Variants in PPFIBP2 observed in about 807,000 individuals in gnomAD.
The protein encoded by PPFIBP2 is liprin-beta-2.
Under a neutral mutation model 118.3 loss-of-function variants are expected in PPFIBP2, and 118 were observed. The ratio of observed to expected loss-of-function variants is 1.00; its 90% confidence interval spans 0.86 to 1.16. The LOEUF is 1.16. Among genes scored for constraint, PPFIBP2 ranks in the 50% most tolerant of loss-of-function variants. The pLI, the probability that PPFIBP2 is intolerant of heterozygous loss-of-function variation, is 0.00. For synonymous variants in PPFIBP2, 414 were observed against 397.4 expected, an observed-to-expected ratio of 1.04 and a Z score of -0.50; for missense variants, 1,195 against 1,073.1, an observed-to-expected ratio of 1.11 and a Z score of -1.59.
rs572861431 is a variant in PPFIBP2 at position 7,625,785 on chromosome 11, C to T, written c.720C>T (p.Val240=). Residue 240 remains valine (V), a synonymous_variant, in exon 8 of 24, where the codon GTC becomes GTT. Coordinates refer to ENST00000299492, the MANE Select transcript of PPFIBP2 (RefSeq NM_003621.5). ...CTCTGTTGCTCTTCCAGGCTGAAGT[C>T]GCCCAGCTGCAAGAACAGGTGGCCC... The part of the protein sequence containing the change: ...EWKLKATKAE[V]AQLQEQVALK... 19 of 1,614,076 alleles carry T rather than the reference C, an allele frequency of 1.2e-5. No homozygotes were observed. Among genetic ancestry groups the T allele is most frequent in the East Asian group, 4.5e-5 (2 of 44,876 alleles).
intron 1 of PPFIBP2, among the ~76,000 whole-genome samples, chr11:7,545,650 C>T (rs560431925): frequency 6.6e-6 from 1 of 151,776 alleles, no homozygotes; most frequent in South Asian, 2.1e-4. Context: ...CACTGGGGCT[C>T]TTGGAGCGTG....
chr11:7,571,020 G>T (rs7110031), intron 3 of PPFIBP2, among the ~76,000 whole-genome samples: 75,795 of 151,942 alleles, frequency 0.5, 20,274 homozygotes, highest in African/African-American at 0.7. Flanking sequence ...TCAGTTTACT[G>T]CTGCCCTTAT....
At chr11:7,609,296 C>T (rs945827801) in intron 5 of PPFIBP2, among the ~76,000 whole-genome samples, 2 of 152,146 alleles carry the variant, frequency 1.3e-5, no homozygotes, top group African/African-American at 4.8e-5. Context: ...GGCAGGATAT[C>T]GTATATTTTC....
chr11:7,616,719 A>T lies in PPFIBP2; in HGVS notation c.619-4216A>T, dbSNP rs1030867157. ...GTGCTGACACGTTGGGTGTTTGGGT[A>T]AGGGGAGTCGGTGTGTGTATCATGC... On this transcript the variant is annotated intron_variant, in intron 6 of 23. Coordinates refer to ENST00000299492, the MANE Select transcript of PPFIBP2 (RefSeq NM_003621.5). The surrounding 1 kb of genome is among the most constrained non-coding windows in gnomAD (Gnocchi z 5.2). Among the ~76,000 whole-genome samples, 1 of 152,024 alleles carries T rather than the reference A, an allele frequency of 6.6e-6. No individual in the cohort carries two copies. The highest frequency in any genetic ancestry group is 1.5e-5 in the Non-Finnish European group (1 of 68,014).
intron 3 of PPFIBP2, among the ~76,000 whole-genome samples, chr11:7,578,807 G>A (rs1856826661): frequency 6.6e-6 from 1 of 152,132 alleles, no homozygotes; most frequent in African/African-American, 2.4e-5. Flanking sequence ...ATGGGGTGAA[G>A]AACATTCCAG....
intron 1 of PPFIBP2, among the ~76,000 whole-genome samples, chr11:7,518,207 G>A (rs897911917): frequency 1.3e-5 from 2 of 152,240 alleles, no homozygotes; most frequent in African/African-American, 2.4e-5. Context: ...GAGGGCCGTC[G>A]TCAAGCTTCT....
chr11:7,642,818 A>G (rs1169148554), intron 17 of PPFIBP2, among the ~76,000 whole-genome samples: 1 of 152,212 alleles, frequency 6.6e-6, no homozygotes. Context: ...CTAGATTCCA[A>G]TTAAGGAAGA....
At chr11:7,552,218 A>G (rs1308511048) in intron 2 of PPFIBP2, among the ~76,000 whole-genome samples, 1 of 152,246 alleles carries the variant, frequency 6.6e-6, no homozygotes, top group African/African-American at 2.4e-5. Context: ...TCCTCATATT[A>G]GAAATGAGAA....
At chr11:7,666,798 G>A in the PPFIBP2 span, 1 of 359,132 alleles carries the variant, frequency 2.8e-6, no homozygotes. Flanking sequence ...GAGCTGCAGT[G>A]ACCGCCTCCA....
At chr11:7,656,728 C>A, downstream of PPFIBP2, 1 of 1,289,822 alleles carries the variant, frequency 7.8e-7, no homozygotes, top group South Asian at 1.2e-5. Context: ...CCTTTTCAGA[C>A]AATGCTGAGC....
intron 1 of PPFIBP2, among the ~76,000 whole-genome samples, chr11:7,526,600 G>A (rs968632890): frequency 1.3e-5 from 2 of 152,146 alleles, no homozygotes; most frequent in Non-Finnish European, 1.5e-5. Flanking sequence ...GGCCGGGTGC[G>A]GTGGCTCACG....
downstream of PPFIBP2, chr11:7,655,379 C>G: frequency 1.1e-5 from 14 of 1,244,780 alleles, no homozygotes; most frequent in Non-Finnish European, 1.4e-5. Context: ...TGCCATCTCT[C>G]TGAATCACAA....
chr11:7,571,627 T>G (rs1032884469), intron 3 of PPFIBP2: 3 of 152,120 alleles, frequency 2.0e-5, no homozygotes, highest in African/African-American at 7.2e-5. Context: ...GAGGGAAAAT[T>G]TGGTGCTTAT....
At chr11:7,618,275 T>G (rs780579216) in intron 6 of PPFIBP2, among the ~76,000 whole-genome samples, 26 of 152,198 alleles carry the variant, frequency 1.7e-4, no homozygotes, top group Non-Finnish European at 3.1e-4. Flanking sequence ...ATGACCTATG[T>G]TGAGTAGGTT....
At chr11:7,523,669 A>G (rs1849969850) in intron 1 of PPFIBP2, among the ~76,000 whole-genome samples, 1 of 152,180 alleles carries the variant, frequency 6.6e-6, no homozygotes, top group Admixed American at 6.5e-5. Flanking sequence ...CCACTAATGC[A>G]TCTCCAGGAA....
At chr11:7,567,346 T>C (rs1855114809) in intron 3 of PPFIBP2, among the ~76,000 whole-genome samples, 1 of 152,280 alleles carries the variant, frequency 6.6e-6, no homozygotes, top group Non-Finnish European at 1.5e-5. Context: ...CAAAGGCAGT[T>C]GACATTGTTG....
intron 6 of PPFIBP2, among the ~76,000 whole-genome samples, chr11:7,619,141 T>A (rs1054789376): frequency 6.6e-6 from 1 of 152,196 alleles, no homozygotes; most frequent in Non-Finnish European, 1.5e-5. Flanking sequence ...AGCAAATACC[T>A]CATGGAGTTT....
intron 7 of PPFIBP2, among the ~76,000 whole-genome samples, 200 bp from the exon 8 acceptor site, chr11:7,625,577 G>A (rs1227117676): frequency 6.6e-6 from 1 of 152,194 alleles, no homozygotes; most frequent in East Asian, 1.9e-4. Flanking sequence ...CGTGGGGAGG[G>A]CCAGGATGGC....
intron 16 of PPFIBP2, 26 bp from the exon 17 acceptor site, chr11:7,642,272 G>A (rs774642694): frequency 2.1e-5 from 34 of 1,612,242 alleles, no homozygotes; most frequent in Admixed American, 6.7e-5. Flanking sequence ...TTCCATGACC[G>A]TCTCCATGGA....
Sources: gnomAD v4.1 joint callset for allele counts (sites outside exome capture counted in the v4.1 genomes callset) on GRCh38, gnomAD v4.1.1 for gene constraint, Gnocchi (gnomAD v3.1) non-coding constraint, MANE v1.5 for transcripts, NCBI Gene and HGNC (gene_info 2026-07-23, HGNC 2026-07-21) for gene names.